Variants in PDE1C observed in about 807,000 individuals in gnomAD.
PDE1C encodes the protein phosphodiesterase 1C.
Under a neutral mutation model 93.1 loss-of-function variants are expected in PDE1C, and 62 were observed. The ratio of observed to expected loss-of-function variants is 0.67; its 90% CI spans 0.54 to 0.82. PDE1C has a LOEUF of 0.82. PDE1C is among the 40% of genes least tolerant of loss of function. PDE1C has a pLI of 0.00. For missense variants in PDE1C, 742 were observed against 884.6 expected (o/e 0.84, Z 2.04); for synonymous variants, 325 against 310.1 (o/e 1.05, Z -0.50).
At chr7:31,765,304 G>A (rs1795074135) in intron 17 of PDE1C, among the ~76,000 whole-genome samples, 1 of 152,092 alleles carries the variant, frequency 6.6e-6, no homozygotes, top group South Asian at 2.1e-4. Context: ...CCCTCAAGGT[G>A]ATGATCATCT....
At chr7:32,095,811 C>T (rs1225530467) in intron 3 of PDE1C, among the ~76,000 whole-genome samples, 3 of 152,074 alleles carry the variant, frequency 2.0e-5, no homozygotes, top group Non-Finnish European at 2.9e-5. Flanking sequence ...AGGCCTTTAC[C>T]CCAAACTAGA....
chr7:31,887,662 T>G (rs1377957073), intron 2 of PDE1C, among the ~76,000 whole-genome samples: 1 of 152,174 alleles, frequency 6.6e-6, no homozygotes, highest in East Asian at 1.9e-4. Context: ...TCTTTTCAAG[T>G]GTACATGTAA....
chr7:32,064,004 G>A (rs933419514), intron 1 of PDE1C, among the ~76,000 whole-genome samples: 1 of 152,266 alleles, frequency 6.6e-6, no homozygotes, highest in Middle Eastern at 3.4e-3. Context: ...TATGCTGAAC[G>A]ATCTGGCAAT....
chr7:32,149,187 C>T (rs1347419850), intron 3 of PDE1C, among the ~76,000 whole-genome samples: 1 of 152,130 alleles, frequency 6.6e-6, no homozygotes, highest in Admixed American at 6.5e-5. Flanking sequence ...AGGATCCTCC[C>T]CAACGTCCTA....
At chr7:31,668,704 C>T in the PDE1C span, among the ~76,000 whole-genome samples, 1 of 152,034 alleles carries the variant, frequency 6.6e-6, no homozygotes, top group Admixed American at 6.6e-5. Context: ...GTGACTGTGA[C>T]TGGATAGGAG....
At chr7:31,925,404 A>G (rs1208251273) in intron 2 of PDE1C, among the ~76,000 whole-genome samples, 2 of 152,200 alleles carry the variant, frequency 1.3e-5, no homozygotes, top group African/African-American at 4.8e-5. Context: ...TGGTTCACAC[A>G]TACAATAAAG....
chr7:31,932,584 T>A (rs959655846), intron 2 of PDE1C, among the ~76,000 whole-genome samples: 4 of 152,106 alleles, frequency 2.6e-5, no homozygotes, highest in African/African-American at 4.8e-5. Context: ...GGTGAGGATG[T>A]GGAGAAATAG....
At chr7:32,035,176 C>T (rs1436338830) in intron 2 of PDE1C, among the ~76,000 whole-genome samples, 1 of 151,978 alleles carries the variant, frequency 6.6e-6, no homozygotes, top group East Asian at 1.9e-4. Flanking sequence ...CTACAAATGA[C>T]ATCTCCAACC....
At chr7:32,174,081 A>C (rs2392051) in intron 2 of PDE1C, among the ~76,000 whole-genome samples, 52,192 of 151,960 alleles carry the variant, frequency 0.34, 9,554 homozygotes, top group African/African-American at 0.45. Flanking sequence ...TTAATAAGAT[A>C]TGGTCCTATT....
In PDE1C at chr7:32,226,044, C is replaced by T. The variant is rs182747226; in HGVS notation, c.86-16505G>A. 1.1e-3 allele frequency among the ~76,000 whole-genome samples: 166 copies of T among 152,034 alleles called. 1 individual carries two copies. Among genetic ancestry groups the T allele is most frequent in the Non-Finnish European group, 1.8e-3 (120 of 67,980 alleles). On this transcript the variant is annotated intron_variant, in intron 1 of 18. Transcript: ENST00000396193. ...CTGCACTCCAGCCTGGGCAATATAGCGAGACTCCATCTCAAAAAGAAAAAA... is the reference window on the plus strand; with the variant it reads ...CTGCACTCCAGCCTGGGCAATATAGTGAGACTCCATCTCAAAAAGAAAAAA...
At chr7:32,166,080 G>A (rs545440827) in intron 3 of PDE1C, among the ~76,000 whole-genome samples, 70 of 151,864 alleles carry the variant, frequency 4.6e-4, no homozygotes, top group Middle Eastern at 3.5e-3. Context: ...TATGTGAAGC[G>A]GTGGATATGT....
At chr7:31,954,299 G>A (rs769101689) in intron 2 of PDE1C, among the ~76,000 whole-genome samples, 107 of 152,262 alleles carry the variant, frequency 7.0e-4, no homozygotes, top group Non-Finnish European at 1.2e-3. Flanking sequence ...CAGGGGCTTC[G>A]GAGGCTGTAG....
In PDE1C at chr7:31,890,720, A is replaced by T. The variant is rs192174521; in HGVS notation, c.129-9860T>A. 1.3e-4 allele frequency among the ~76,000 whole-genome samples: 20 copies of T among 152,362 alleles called. No individual in the cohort carries two copies. In the East Asian group the frequency reaches 3.9e-3, roughly 29 times the overall value. Reference sequence around the variant, plus strand: ...TTTTCTTTTATAATAACAGAAATAAATAAATTAATTCATAGATTAAAAACC... The same window carrying T: ...TTTTCTTTTATAATAACAGAAATAATTAAATTAATTCATAGATTAAAAACC... On this transcript the variant is annotated intron_variant, in intron 2 of 17. Coordinates refer to ENST00000396191, the MANE Select transcript of PDE1C (RefSeq NM_001191057.4).
chr7:31,712,197 A>G, the PDE1C span, among the ~76,000 whole-genome samples: 1 of 152,206 alleles, frequency 6.6e-6, no homozygotes, highest in South Asian at 2.1e-4. Context: ...ACACAGGGAT[A>G]TCAACTGGTT....
the PDE1C span, chr7:31,658,193 T>G: frequency 7.6e-7 from 1 of 1,314,170 alleles, no homozygotes. Context: ...AGGATATTCG[T>G]TTTTTAGCCC....
intron 1 of PDE1C, among the ~76,000 whole-genome samples, chr7:32,254,487 A>C (rs999091440): frequency 7.2e-5 from 11 of 152,192 alleles, no homozygotes; most frequent in African/African-American, 2.4e-4. Context: ...CCATAACTTT[A>C]AAATGTAGCC....
intron 1 of PDE1C, among the ~76,000 whole-genome samples, chr7:32,251,764 ATGTCTGCCCTTAAACCT>A (rs1340500740): frequency 1.3e-5 from 2 of 152,144 alleles, no homozygotes; most frequent in Non-Finnish European, 2.9e-5. Context: ...ATTTTCCACC[ATGTCTGCCCTTAAACCT>A]TTGTAGCTCC....
chr7:31,880,560 A>G (rs185167230), intron 3 of PDE1C, among the ~76,000 whole-genome samples, 187 bp downstream of exon 3: 1 of 152,306 alleles, frequency 6.6e-6, no homozygotes, highest in East Asian at 1.9e-4. Context: ...AGCTCCTTTT[A>G]TAGATGAGGC....
chr7:31,837,197 C>A lies in PDE1C; in HGVS notation c.1186G>T (p.Glu396Ter). The part of the protein sequence containing the change: ...LHHRWTMSLL[E>*]EFFRQGDREA... ...CAAGGTACCTGTCTGAAGAACTCCTCCAGGAGTGACATTGTCCAGCGATGA... is the reference window on the plus strand; with the variant it reads ...CAAGGTACCTGTCTGAAGAACTCCTACAGGAGTGACATTGTCCAGCGATGA... The change falls in exon 11 of 18, where the codon GAG (glutamate) becomes TAG (stop). Residue 396 changes from glutamate to a stop codon, truncating the protein, a stop_gained. Coordinates refer to ENST00000396191, the MANE Select transcript of PDE1C (RefSeq NM_001191057.4). LOFTEE classifies it high-confidence loss of function. 6.2e-7 allele frequency: 1 copy of A among 1,613,560 alleles called. No individual in the cohort carries two copies. The highest frequency in any genetic ancestry group is 1.1e-5 in the South Asian group (1 of 91,038).
Sources: gnomAD v4.1 joint callset for allele counts (sites outside exome capture counted in the v4.1 genomes callset) on GRCh38, gnomAD v4.1.1 for gene constraint, MANE v1.5 for transcripts, NCBI Gene and HGNC (gene_info 2026-07-23, HGNC 2026-07-21) for gene names.